TXNL4B: variants seen among roughly 807,000 people sequenced by gnomAD.
TXNL4B encodes the protein thioredoxin-like protein 4B.
A neutral mutation model predicts 13.0 loss-of-function variants in TXNL4B; 12 were observed. That is an observed-to-expected ratio of 0.92 (90% CI 0.59 to 1.49). The LOEUF is 1.49. Ranked by LOEUF, TXNL4B falls within the 40% of genes most tolerant of loss-of-function variation. The pLI is 0.00. For missense variants in TXNL4B, 214 were observed against 173.6 expected (o/e 1.23, Z -1.31); for synonymous variants, 59 against 58.9 (o/e 1.00, Z -0.01).
intron 2 of TXNL4B, 88 bp downstream of exon 2, chr16:72,090,530 G>A (rs2144106426): frequency 1.4e-6 from 2 of 1,398,366 alleles, no homozygotes; most frequent in East Asian, 4.6e-5. Flanking sequence ...ACCCAACCCT[G>A]ACTACTCCCT....
intron 3 of TXNL4B, 79 bp downstream of exon 3, chr16:72,088,908 T>C: frequency 1.7e-6 from 2 of 1,160,802 alleles, no homozygotes; most frequent in Non-Finnish European, 2.5e-6. Flanking sequence ...CAACATCACA[T>C]GGAAATAGGC....
At chr16:72,088,769 C>A (rs2041859343) in intron 3 of TXNL4B, among the ~76,000 whole-genome samples, 1 of 152,084 alleles carries the variant, frequency 6.6e-6, no homozygotes, top group Non-Finnish European at 1.5e-5. Context: ...CATGTGTATG[C>A]ACTATTAAAA....
At chr16:72,089,244 G>A in intron 2 of TXNL4B, 106 bp from the exon 3 acceptor site, 1 of 942,430 alleles carries the variant, frequency 1.1e-6, no homozygotes, top group East Asian at 2.6e-5. Flanking sequence ...AAAACTCCTG[G>A]GCCAACAATG....
At chr16:72,087,057 A>G (rs903749882) in intron 3 of TXNL4B, among the ~76,000 whole-genome samples, 2 of 152,214 alleles carry the variant, frequency 1.3e-5, no homozygotes, top group African/African-American at 4.8e-5. Context: ...TGTAATCACA[A>G]AATCTATTTT....
intron 2 of TXNL4B, chr16:72,090,316 A>G (rs2041885780): frequency 2.1e-6 from 1 of 471,802 alleles, no homozygotes; most frequent in Non-Finnish European, 4.1e-6. Context: ...CTATTATCCC[A>G]CTATTGCGAG....
chr16:72,092,681 GGGGTGCAACT>G (rs1361161816), intron 1 of TXNL4B, among the ~76,000 whole-genome samples: 1 of 152,196 alleles, frequency 6.6e-6, no homozygotes, highest in African/African-American at 2.4e-5. Context: ...GGTGAGGCTA[GGGGTGCAACT>G]GGACAAACGT....
chr16:72,091,305 A>G (rs1462300252), intron 1 of TXNL4B, among the ~76,000 whole-genome samples: 2 of 143,392 alleles, frequency 1.4e-5, no homozygotes, highest in African/African-American at 6.0e-5. Flanking sequence ...TGTGGCAGAA[A>G]GAGGTGAGTG....
At chr16:72,090,558 T>C in intron 2 of TXNL4B, 60 bp downstream of exon 2, 2 of 1,567,932 alleles carry the variant, frequency 1.3e-6, no homozygotes, top group African/African-American at 1.4e-5. Flanking sequence ...ACTACTCAGA[T>C]GCTGAAGTGA....
At chr16:72,089,182 C>G (rs1162062305) in intron 2 of TXNL4B, 44 bp from the exon 3 acceptor site, 1 of 1,534,496 alleles carries the variant, frequency 6.5e-7, no homozygotes, top group East Asian at 2.3e-5. Flanking sequence ...TGAGAGGCAG[C>G]TTAATGTTTC....
In TXNL4B at chr16:72,090,292, G is replaced by A. The variant is rs1457499585; in HGVS notation, c.132+326C>T. The A allele has an allele frequency of 8.6e-6, 4 of 464,888 alleles. No individual in the cohort carries two copies. The Admixed American group carries it at 9.7e-5, about 11-fold the overall frequency. 28.8% of individuals were successfully genotyped at this position (464,888 alleles called of 1,614,324 possible). A position where few individuals can be genotyped will look rare whatever the true frequency, so the allele number is the denominator to read the frequency against. ...CCTCTCTGGTTTTTTTTTTCCTACT[G>A]GGAAATGGGGCTACTATTATCCCAC... On this transcript the variant is annotated intron_variant, in intron 2 of 3. Coordinates refer to ENST00000268483, the MANE Select transcript of TXNL4B (RefSeq NM_017853.3).
chr16:72,090,179 T>C (rs1337798663), intron 2 of TXNL4B: 3 of 456,138 alleles, frequency 6.6e-6, no homozygotes, highest in Non-Finnish European at 1.3e-5. Flanking sequence ...GGCAGCACAC[T>C]AGAAAAGATT....
intron 3 of TXNL4B, among the ~76,000 whole-genome samples, chr16:72,088,369 G>A (rs1597428944): frequency 6.6e-6 from 1 of 152,238 alleles, no homozygotes; most frequent in African/African-American, 2.4e-5. Context: ...GAAATGATCA[G>A]AATCATGGAT....
chr16:72,086,808 C>CATAGAATAGATCT lies in TXNL4B; in HGVS notation c.285-7_285-6insAGATCTATTCTAT. The CATAGAATAGATCT allele has an allele frequency of 6.3e-7, 1 of 1,589,346 alleles. No individual in the cohort carries two copies. Among genetic ancestry groups the CATAGAATAGATCT allele is most frequent in the Non-Finnish European group, 8.6e-7 (1 of 1,161,850 alleles). ...ACTTAGTGTGATCTGGAGATCTAGA[C>CATAGAATAGATCT]AGCATAGAAGAGAAACAACTGCTCT... is the stretch of plus-strand genomic sequence containing the variant. On this transcript the variant is annotated splice_region_variant and splice_polypyrimidine_tract_variant and intron_variant, in intron 3 of 3. Transcript: ENST00000268483.
rs1489100705 is a variant in TXNL4B, at chr16:72,090,629, G to C, written c.121C>G (p.Leu41Val). The change falls in exon 2 of 4, where the codon CTA (leucine) becomes GTA (valine). Residue 41 changes from leucine to valine, a missense_variant. Physicochemically the swap from Leu to Val is conservative, Grantham distance 32 (BLOSUM62 1). Coordinates refer to ENST00000268483, the MANE Select transcript of TXNL4B (RefSeq NM_017853.3). ...AGACATTCACTTACAATATCATCTA[G>C]CTGCAGACAGACAGGATCTTCATCT... is the stretch of plus-strand genomic sequence containing the variant. Reference protein sequence around the residue: ...GRDEDPVCLQLDDILSKTSSD... With the variant: ...GRDEDPVCLQVDDILSKTSSD... 2.5e-6 allele frequency: 4 copies of C among 1,613,772 alleles called. No individual in the cohort carries two copies. Among genetic ancestry groups the C allele is most frequent in the Admixed American group, 3.3e-5 (2 of 59,954 alleles).
chr16:72,090,156 G>C (rs1219014243), intron 2 of TXNL4B: 8 of 456,004 alleles, frequency 1.8e-5, no homozygotes, highest in Non-Finnish European at 3.1e-5. Context: ...CTCTGCATCA[G>C]GCACATACTG....
Position 72,086,358 on chromosome 16 carries a change from A to G in TXNL4B, c.*279T>C. 1 of 287,434 alleles carries G rather than the reference A, an allele frequency of 3.5e-6. No homozygotes were observed. Among genetic ancestry groups the G allele is most frequent in the South Asian group, 8.5e-5 (1 of 11,742 alleles). 17.8% of individuals were successfully genotyped at this position (287,434 alleles called of 1,614,324 possible). On this transcript the variant is annotated 3_prime_UTR_variant, in exon 4 of 4. Transcript: ENST00000268483. ...AGGGTTCTGTATTAAAGGGATAAAGAAAAACATTAGAAAGAGAAGTTACAA... is the reference window on the plus strand; with the variant it reads ...AGGGTTCTGTATTAAAGGGATAAAGGAAAACATTAGAAAGAGAAGTTACAA...
chr16:72,086,374 G>A lies in TXNL4B; in HGVS notation c.*263C>T, dbSNP rs1000251444. On this transcript the variant is annotated 3_prime_UTR_variant, in exon 4 of 4. Coordinates refer to ENST00000268483, the MANE Select transcript of TXNL4B (RefSeq NM_017853.3). ...GGGATAAAGAAAAACATTAGAAAGAGAAGTTACAAAAATCACTGTGGGGAA... is the reference window on the plus strand; with the variant it reads ...GGGATAAAGAAAAACATTAGAAAGAAAAGTTACAAAAATCACTGTGGGGAA... 3.1e-6 allele frequency: 1 copy of A among 325,034 alleles called. No homozygotes were observed. The highest frequency in any genetic ancestry group is 2.1e-5 in the African/African-American group (1 of 47,750). 20.1% of individuals were successfully genotyped at this position (325,034 alleles called of 1,614,324 possible).
chr16:72,087,803 T>G (rs1597428376), intron 3 of TXNL4B, among the ~76,000 whole-genome samples: 1 of 152,238 alleles, frequency 6.6e-6, no homozygotes, highest in South Asian at 2.1e-4. Flanking sequence ...TAGTTGGGAT[T>G]ACAGGCACCC....
Position 72,089,292 on chromosome 16 carries a change from C to T in TXNL4B, c.133-154G>A, listed in dbSNP as rs182087008. Among the ~76,000 whole-genome samples, 21 of 152,332 alleles carry T rather than the reference C, an allele frequency of 1.4e-4. No individual in the cohort carries two copies. The East Asian group carries it at 4.1e-3, about 29-fold the overall frequency. ...CTCCCACATTAGACAAAGCATAACC[C>T]CATCCTCCAGAGTCTCATTCACTGC... On this transcript the variant is annotated intron_variant, in intron 2 of 3. Coordinates refer to ENST00000268483, the MANE Select transcript of TXNL4B (RefSeq NM_017853.3).
Sources: gnomAD v4.1 joint callset for allele counts (sites outside exome capture counted in the v4.1 genomes callset) on GRCh38, gnomAD v4.1.1 for gene constraint, MANE v1.5 for transcripts, NCBI Gene and HGNC (gene_info 2026-07-23, HGNC 2026-07-21) for gene names.